Variants in AGMO observed in about 807,000 individuals in gnomAD.
AGMO encodes glyceryl-ether monooxygenase.
In AGMO, 75 loss-of-function variants were observed where a neutral mutation model predicts 60.2. That is an observed-to-expected ratio of 1.25 (90% confidence interval 1.03 to 1.51). The LOEUF is 1.51. Ranked by LOEUF, AGMO falls within the 40% of genes most tolerant of loss-of-function variation. AGMO has a pLI of 0.00. For synonymous variants in AGMO, 261 were observed against 177.1 expected, an observed-to-expected ratio of 1.47 and a Z score of -3.76; for missense variants, 763 against 525.5, an observed-to-expected ratio of 1.45 and a Z score of -4.42.
intron 3 of AGMO, among the ~76,000 whole-genome samples, chr7:15,452,463 G>A (rs761971549): frequency 3.3e-5 from 5 of 152,144 alleles, no homozygotes; most frequent in East Asian, 1.9e-4. Flanking sequence ...ATATACAGAT[G>A]TTCAGTAAGC....
chr7:15,449,617 G>T (rs531762674), intron 3 of AGMO, among the ~76,000 whole-genome samples: 5 of 152,114 alleles, frequency 3.3e-5, no homozygotes, highest in Admixed American at 1.3e-4. Context: ...TGTGTAGTAG[G>T]CTATACCATC....
downstream of AGMO, among the ~76,000 whole-genome samples, chr7:15,197,943 C>T (rs906128377): frequency 6.6e-6 from 1 of 152,012 alleles, no homozygotes; most frequent in Non-Finnish European, 1.5e-5. Context: ...ATTTCATGGG[C>T]CTGTACAAGT....
At chr7:15,453,089 T>C (rs1203477053) in intron 3 of AGMO, among the ~76,000 whole-genome samples, 6 of 151,296 alleles carry the variant, frequency 4.0e-5, no homozygotes, top group African/African-American at 1.5e-4. Context: ...TGGGAAGTCA[T>C]TGCTAATGGG....
chr7:15,267,990 T>C (rs921125166), intron 12 of AGMO, among the ~76,000 whole-genome samples: 1 of 151,970 alleles, frequency 6.6e-6, no homozygotes, highest in Non-Finnish European at 1.5e-5. Context: ...TCAAAACTGT[T>C]ACCAAACATT....
chr7:15,302,228 C>T (rs1435922258), intron 12 of AGMO, among the ~76,000 whole-genome samples: 3 of 152,012 alleles, frequency 2.0e-5, no homozygotes, highest in African/African-American at 7.2e-5. Context: ...TTAGTTTGGT[C>T]TTCATCAAAT....
intron 3 of AGMO, among the ~76,000 whole-genome samples, chr7:15,460,810 G>A (rs1216703752): frequency 6.6e-6 from 1 of 152,044 alleles, no homozygotes; most frequent in Admixed American, 6.6e-5. Flanking sequence ...TAAAATATGA[G>A]ACAAAAAGAA....
chr7:15,243,559 A>T (rs942153820), intron 12 of AGMO, among the ~76,000 whole-genome samples: 2 of 152,202 alleles, frequency 1.3e-5, no homozygotes, highest in Non-Finnish European at 1.5e-5. Context: ...AGTTTGCATG[A>T]TCGTGGCTGG....
At chr7:15,357,158 A>G (rs1044570957) in intron 12 of AGMO, among the ~76,000 whole-genome samples, 1 of 150,468 alleles carries the variant, frequency 6.6e-6, no homozygotes, top group Non-Finnish European at 1.5e-5. Context: ...ACTGAAATAG[A>G]TGAGTCAAAA....
At chr7:15,450,820 C>A (rs954784216) in intron 3 of AGMO, among the ~76,000 whole-genome samples, 1 of 152,110 alleles carries the variant, frequency 6.6e-6, no homozygotes, top group African/African-American at 2.4e-5. Context: ...ATAAAACCAA[C>A]TCATTAGGCA....
chr7:15,493,885 T>C (rs886816774), intron 3 of AGMO, among the ~76,000 whole-genome samples: 3 of 152,164 alleles, frequency 2.0e-5, no homozygotes, highest in African/African-American at 7.2e-5. Context: ...ATAGTAGGTA[T>C]AAATATTTAT....
At chr7:15,555,611 T>A (rs75618390) in intron 2 of AGMO, among the ~76,000 whole-genome samples, 1 of 151,922 alleles carries the variant, frequency 6.6e-6, no homozygotes, top group African/African-American at 2.4e-5. Context: ...AATTTCTTCT[T>A]AACAGCAACC....
chr7:15,417,322 G>A (rs1780800149), intron 5 of AGMO, among the ~76,000 whole-genome samples: 1 of 152,160 alleles, frequency 6.6e-6, no homozygotes, highest in Admixed American at 6.6e-5. Context: ...TTTACTTCAT[G>A]AAATGGAACT....
chr7:15,216,108 G>GA (rs955124681), intron 12 of AGMO, among the ~76,000 whole-genome samples: 54 of 151,994 alleles, frequency 3.6e-4, no homozygotes, highest in Admixed American at 3.1e-3. Flanking sequence ...TCTTCTTCTG[G>GA]AAAAAATGTT....
chr7:15,416,663 C>T (rs879663917), intron 5 of AGMO, among the ~76,000 whole-genome samples: 15 of 152,060 alleles, frequency 9.9e-5, no homozygotes, highest in Admixed American at 2.0e-4. Context: ...CTCTACAGCT[C>T]GCATATCATT....
intron 12 of AGMO, among the ~76,000 whole-genome samples, chr7:15,273,709 G>C (rs983365636): frequency 6.6e-6 from 1 of 152,086 alleles, no homozygotes; most frequent in Non-Finnish European, 1.5e-5. Context: ...AAATTACCTT[G>C]GGCACTATGG....
At chr7:15,444,962 G>A (rs563573540) in intron 3 of AGMO, among the ~76,000 whole-genome samples, 2 of 152,258 alleles carry the variant, frequency 1.3e-5, no homozygotes, top group Admixed American at 1.3e-4. Context: ...CATCTAGGGA[G>A]GACTTCAAAG....
At chr7:15,337,270 T>G (rs901047387) in intron 12 of AGMO, among the ~76,000 whole-genome samples, 1 of 152,180 alleles carries the variant, frequency 6.6e-6, no homozygotes. Context: ...GCAGGAAATA[T>G]GCAAGAAGGA....
chr7:15,475,626 T>C (rs548609760), intron 3 of AGMO, among the ~76,000 whole-genome samples: 4 of 152,110 alleles, frequency 2.6e-5, no homozygotes, highest in African/African-American at 9.6e-5. Context: ...CCATGGCATG[T>C]GTATACCTAT....
the AGMO span, among the ~76,000 whole-genome samples, chr7:15,194,987 G>T: frequency 6.6e-6 from 1 of 152,190 alleles, no homozygotes; most frequent in Non-Finnish European, 1.5e-5. Context: ...AAAGGGATGT[G>T]TTGGTTGGAT....
Sources: allele counts gnomAD v4.1 joint callset (sites outside exome capture counted in the v4.1 genomes callset), GRCh38; gene constraint gnomAD v4.1.1; transcripts MANE v1.5; gene names NCBI Gene and HGNC (gene_info 2026-07-23, HGNC 2026-07-21).